Variants in RUNX2 observed in about 807,000 individuals in gnomAD.
The protein encoded by RUNX2 is RUNX family transcription factor 2.
RUNX2 carries 10 observed loss-of-function variants against 51.7 expected under a neutral mutation model. The ratio of observed to expected loss-of-function variants is 0.19; its 90% CI spans 0.12 to 0.33. RUNX2 has a LOEUF of 0.33. Among genes scored for constraint, RUNX2 ranks in the 10% least tolerant of loss-of-function variants. The probability of loss-of-function intolerance (pLI) is 1.00; values close to 1 mark genes in which losing one functional copy is unlikely to be tolerated. For synonymous variants in RUNX2, 276 were observed against 273.6 expected, an observed-to-expected ratio of 1.01 and a Z score of -0.09; for missense variants, 562 against 691.3, an observed-to-expected ratio of 0.81 and a Z score of 2.10.
chr6:45,444,033 TAG>T (rs1482263133), intron 5 of RUNX2, among the ~76,000 whole-genome samples: 3 of 152,170 alleles, frequency 2.0e-5, no homozygotes, highest in Non-Finnish European at 2.9e-5. Flanking sequence ...ATATTTTTAG[TAG>T]AGACGGGATT....
intron 2 of RUNX2, among the ~76,000 whole-genome samples, chr6:45,360,525 A>C (rs1308323117): frequency 6.6e-6 from 1 of 152,180 alleles, no homozygotes; most frequent in African/African-American, 2.4e-5. Context: ...AAATTCAGAG[A>C]CTATACATAT....
intron 2 of RUNX2, among the ~76,000 whole-genome samples, chr6:45,347,608 GGTCT>G (rs1322419447): frequency 6.6e-6 from 1 of 151,700 alleles, no homozygotes; most frequent in Non-Finnish European, 1.5e-5. Flanking sequence ...GCATTCTTGG[GGTCT>G]GTCTGCAAAA....
At chr6:45,443,661 G>A (rs941913504) in intron 5 of RUNX2, among the ~76,000 whole-genome samples, 1 of 152,216 alleles carries the variant, frequency 6.6e-6, no homozygotes, top group Admixed American at 6.5e-5. Flanking sequence ...TAATCGTAGT[G>A]TCATTCTGAA....
intron 7 of RUNX2, among the ~76,000 whole-genome samples, chr6:45,539,900 G>A (rs1332571492): frequency 2.0e-5 from 3 of 152,222 alleles, no homozygotes; most frequent in Non-Finnish European, 4.4e-5. Context: ...AGGAATGTGT[G>A]CAGCAGTAAG....
chr6:45,441,439 T>C (rs1010724595), intron 5 of RUNX2, among the ~76,000 whole-genome samples: 1 of 152,236 alleles, frequency 6.6e-6, no homozygotes, highest in Non-Finnish European at 1.5e-5. Context: ...TCATCTTTTA[T>C]GTGAGAATGA....
chr6:45,466,282 C>T (rs1415533489), intron 5 of RUNX2, among the ~76,000 whole-genome samples: 1 of 151,608 alleles, frequency 6.6e-6, no homozygotes, highest in Non-Finnish European at 1.5e-5. Flanking sequence ...CATTGCACTC[C>T]AGCCTGGGCA....
intron 2 of RUNX2, among the ~76,000 whole-genome samples, chr6:45,364,664 A>T (rs1794829344): frequency 6.6e-6 from 1 of 152,160 alleles, no homozygotes; most frequent in Admixed American, 6.5e-5. Flanking sequence ...AATCTTAATG[A>T]CTCTGCAATT....
At position 45,454,835 on chromosome 6, in the gene RUNX2, C is replaced by T. The variant is rs115756036; in HGVS notation, c.685+16784C>T. On this transcript the variant is annotated intron_variant, in intron 5 of 8. Coordinates refer to ENST00000647337, the MANE Select transcript of RUNX2 (RefSeq NM_001024630.4). ...ACTTCAGGAAAACACAGTCTCAGGCCGGGCATGCTGGCTCATGCCTGTAAT... is the reference window on the plus strand; with the variant it reads ...ACTTCAGGAAAACACAGTCTCAGGCTGGGCATGCTGGCTCATGCCTGTAAT... 8.2e-3 allele frequency among the ~76,000 whole-genome samples: 1,245 copies of T among 152,232 alleles called. 25 individuals carry two copies. The highest frequency in any genetic ancestry group is 0.028 in the African/African-American group (1,179 of 41,532).
intron 2 of RUNX2, among the ~76,000 whole-genome samples, chr6:45,404,316 GAAA>G: frequency 7.7e-6 from 1 of 130,522 alleles, no homozygotes; most frequent in East Asian, 2.3e-4. Flanking sequence ...AAAGAAAAAA[GAAA>G]AAAAAGTATT....
At chr6:45,406,448 T>G (rs1797835613) in intron 2 of RUNX2, among the ~76,000 whole-genome samples, 1 of 152,226 alleles carries the variant, frequency 6.6e-6, no homozygotes, top group African/African-American at 2.4e-5. Flanking sequence ...AGTCTCTCAC[T>G]CTGTCACCCA....
intron 5 of RUNX2, among the ~76,000 whole-genome samples, chr6:45,480,225 T>C (rs1800070778): frequency 6.6e-6 from 1 of 152,264 alleles, no homozygotes. Context: ...GCGGTGCTGA[T>C]ATATGAGGTA....
At chr6:45,485,697 G>GTGTATATATATATATATA (rs1219072282) in intron 5 of RUNX2, among the ~76,000 whole-genome samples, 60 of 104,040 alleles carry the variant, frequency 5.8e-4, no homozygotes, top group African/African-American at 1.9e-3. Flanking sequence ...GTGTGTGTGT[G>GTGTATATATATATATATA]TATATATATA....
intron 5 of RUNX2, among the ~76,000 whole-genome samples, chr6:45,478,910 G>C: frequency 6.6e-6 from 1 of 151,500 alleles, no homozygotes. Context: ...TTTATTTTAA[G>C]ATGGAGTCTC....
intron 2 of RUNX2, among the ~76,000 whole-genome samples, chr6:45,345,156 T>C (rs996379859): frequency 1.3e-5 from 2 of 152,206 alleles, no homozygotes; most frequent in Non-Finnish European, 2.9e-5. Context: ...TCAGAATACT[T>C]ATAAAAATCT....
intron 2 of RUNX2, among the ~76,000 whole-genome samples, chr6:45,371,117 ACTC>A (rs1372720006): frequency 6.6e-6 from 1 of 152,164 alleles, no homozygotes; most frequent in African/African-American, 2.4e-5. Context: ...CAGCAATTAT[ACTC>A]CTAACAGTAA....
At chr6:45,393,034 A>G (rs1797504002) in intron 2 of RUNX2, among the ~76,000 whole-genome samples, 1 of 152,058 alleles carries the variant, frequency 6.6e-6, no homozygotes, top group African/African-American at 2.4e-5. Context: ...TTTGACTTCT[A>G]GTATTTCCTT....
At chr6:45,352,860 T>G (rs1467859857) in intron 2 of RUNX2, among the ~76,000 whole-genome samples, 2 of 152,102 alleles carry the variant, frequency 1.3e-5, no homozygotes, top group African/African-American at 4.8e-5. Flanking sequence ...CAGTTTTATA[T>G]ATCTATAAAA....
At chr6:45,439,756 T>C (rs1382418327) in intron 5 of RUNX2, among the ~76,000 whole-genome samples, 1 of 152,004 alleles carries the variant, frequency 6.6e-6, no homozygotes, top group African/African-American at 2.4e-5. Context: ...AGTTGATGGC[T>C]GGGAGAGGAA....
In RUNX2 at chr6:45,545,095, G is replaced by T. The variant is rs1024188755; in HGVS notation, c.1022-122G>T. ...CAGACTCTGGGAAATACTAATGAGGGATGGGAACCTCTCTGTCTACCCCTC... is the reference window on the plus strand; with the variant it reads ...CAGACTCTGGGAAATACTAATGAGGTATGGGAACCTCTCTGTCTACCCCTC... On this transcript the variant is annotated intron_variant, in intron 7 of 8. Coordinates refer to ENST00000647337, the MANE Select transcript of RUNX2 (RefSeq NM_001024630.4). 139 of 802,790 alleles carry T rather than the reference G, an allele frequency of 1.7e-4. 1 individual carries two copies. Among genetic ancestry groups the T allele is most frequent in the Non-Finnish European group, 5.6e-5 (27 of 479,182 alleles). The allele number at this position is 802,790 out of a possible 1,614,324, so 49.7% of individuals were successfully genotyped here. A position where few individuals can be genotyped will look rare whatever the true frequency, so the allele number is the denominator to read the frequency against.
Sources: gnomAD v4.1 joint callset for allele counts (sites outside exome capture counted in the v4.1 genomes callset) on GRCh38, gnomAD v4.1.1 for gene constraint, MANE v1.5 for transcripts, NCBI Gene and HGNC (gene_info 2026-07-23, HGNC 2026-07-21) for gene names.